Variants in OR5T1 observed in about 807,000 individuals in gnomAD.
OR5T1 encodes olfactory receptor family 5 subfamily T member 1.
A neutral mutation model predicts 10.1 loss-of-function variants in OR5T1; 14 were observed. The observed-to-expected ratio is 1.39, with a 90% CI of 0.92 to 2.18. OR5T1 has a LOEUF of 2.18. Ranked by LOEUF, OR5T1 falls within the 30% of genes most tolerant of loss-of-function variation. OR5T1 has a pLI of 0.00. For missense variants in OR5T1, 461 were observed against 383.9 expected, an observed-to-expected ratio of 1.20 and a Z score of -1.68; for synonymous variants, 166 against 141.2, an observed-to-expected ratio of 1.18 and a Z score of -1.24.
chr11:56,275,564 C>T lies in OR5T1; in HGVS notation c.-75C>T, dbSNP rs1339852297. ...GATTTCATCTTGCTTTTCCAAGAAACGAACATGAGGATATAATTGGATAAA... is the reference window on the plus strand; with the variant it reads ...GATTTCATCTTGCTTTTCCAAGAAATGAACATGAGGATATAATTGGATAAA... On this transcript the variant is annotated 5_prime_UTR_variant, in exon 3 of 3. In the 5' UTR this introduces an upstream ATG that the reference lacks. Transcript: ENST00000641665. The T allele has an allele frequency of 1.6e-5, 20 of 1,212,584 alleles. No homozygotes were observed. Among genetic ancestry groups the T allele is most frequent in the African/African-American group, 3.1e-5 (2 of 65,536 alleles). 75.1% of individuals were successfully genotyped at this position (1,212,584 alleles called of 1,614,324 possible).
Position 56,276,574 on chromosome 11 carries a change from A to G in OR5T1, c.936A>G (p.Ala312=), listed in dbSNP as rs148135770. 1,166 of 1,611,858 alleles carry G rather than the reference A, an allele frequency of 7.2e-4. 4 individuals carry two copies. The highest frequency in any genetic ancestry group is 4.2e-3 in the South Asian group (379 of 90,426). ...TGCGGAACAAAGATGTAAAGGAGGC[A>G]ATCAAAAGATTGCTTGTGAGAAATT... ...YSLRNKDVKE[A]IKRLLVRNWF... is the part of the protein sequence containing the mutation. Residue 312 remains alanine (A), a synonymous_variant, in exon 3 of 3, where the codon GCA becomes GCG. Coordinates refer to ENST00000641665, the MANE Select transcript of OR5T1 (RefSeq NM_001004745.2).
Position 56,276,029 on chromosome 11 carries a change from G to T in OR5T1, c.391G>T (p.Ala131Ser), listed in dbSNP as rs1239924224. The T allele has an allele frequency of 6.2e-7, 1 of 1,613,980 alleles. No homozygotes were observed. Among genetic ancestry groups the T allele is most frequent in the Non-Finnish European group, 8.5e-7 (1 of 1,180,012 alleles). ...AGAATGCTTTCTCTTGGCTGCAATG[G>T]CTTATGATCGCTATGTAGCCATCTA... ...TTECFLLAAM[A>S]YDRYVAIYNP... Residue 131 changes from alanine (A) to serine (S), a missense_variant, in exon 3 of 3, where the codon GCT becomes TCT. Ala to Ser is a moderately conservative substitution (Grantham distance 99). Coordinates refer to ENST00000641665, the MANE Select transcript of OR5T1 (RefSeq NM_001004745.2).
chr11:56,275,991 C>G lies in OR5T1; in HGVS notation c.353C>G (p.Thr118Ser). The change falls in exon 3 of 3, where the codon ACT (threonine) becomes AGT (serine). Residue 118 changes from threonine (T) to serine (S), a missense_variant. Transcript: ENST00000641665. ...GCATQMFLACTFGTTECFLLA... is the reference protein window; with the variant it reads ...GCATQMFLACSFGTTECFLLA... ...GCAACACAGATGTTTCTTGCTTGTACTTTTGGAACCACAGAATGCTTTCTC... is the reference window on the plus strand; with the variant it reads ...GCAACACAGATGTTTCTTGCTTGTAGTTTTGGAACCACAGAATGCTTTCTC... The G allele has an allele frequency of 4.3e-6, 7 of 1,614,190 alleles. No individual in the cohort carries two copies. Among genetic ancestry groups the G allele is most frequent in the Non-Finnish European group, 5.1e-6 (6 of 1,180,040 alleles).
rs774727798 is a variant in OR5T1, at chr11:56,276,327, A to G, written c.689A>G (p.Tyr230Cys). Residue 230 changes from tyrosine (Y) to cysteine (C), a missense_variant, in exon 3 of 3, where the codon TAT becomes TGT. Coordinates refer to ENST00000641665, the MANE Select transcript of OR5T1 (RefSeq NM_001004745.2). ...IVTILIVLIS[Y>C]GFILLAILKM... The stretch of plus-strand genomic sequence containing the variant: ...ACTATCCTGATTGTCCTGATCTCCT[A>G]TGGTTTTATTCTGTTGGCCATTCTG... 94 of 1,613,850 alleles carry G rather than the reference A, an allele frequency of 5.8e-5. No homozygotes were observed. Among genetic ancestry groups the G allele is most frequent in the Middle Eastern group, 1.6e-4 (1 of 6,082 alleles).
intron 2 of OR5T1, 41 bp from the exon 3 acceptor site, chr11:56,275,445 A>C (rs1338059235): frequency 6.7e-6 from 3 of 445,800 alleles, no homozygotes; most frequent in Non-Finnish European, 3.9e-6. Context: ...AATTTAGTGC[A>C]TGATTGAATA....
In OR5T1 at chr11:56,275,727, C is replaced by T. The variant is rs1178814688; in HGVS notation, c.89C>T (p.Thr30Ile). Reference protein sequence around the residue: ...EVTMFILISFTEEFDVQVFLF... With the variant: ...EVTMFILISFIEEFDVQVFLF... ...ACCATGTTTATATTAATAAGCTTCA[C>T]AGAAGAATTTGATGTGCAAGTCTTC... The change falls in exon 3 of 3, where the codon ACA becomes ATA. Residue 30 changes from threonine (T) to isoleucine (I), a missense_variant. Physicochemically the swap from Thr to Ile is moderately conservative, Grantham distance 89. Coordinates refer to ENST00000641665, the MANE Select transcript of OR5T1 (RefSeq NM_001004745.2). 1.9e-6 allele frequency: 3 copies of T among 1,609,648 alleles called. No individual in the cohort carries two copies. Among genetic ancestry groups the T allele is most frequent in the South Asian group, 1.1e-5 (1 of 90,906 alleles).
In OR5T1 at chr11:56,276,456, G is replaced by A; in HGVS notation, c.818G>A (p.Arg273Lys). The change falls in exon 3 of 3, where the codon AGA (arginine) becomes AAA (lysine). Residue 273 changes from arginine (R) to lysine (K), a missense_variant. By Grantham distance (26) the Arg-to-Lys change is conservative. Transcript: ENST00000641665. ...YHGTILFMYV[R>K]PSSSYTSDND... ...GGGACAATCCTCTTCATGTATGTGA[G>A]ACCAAGTTCCAGCTACACTTCGGAC... 6.2e-7 allele frequency: 1 copy of A among 1,614,080 alleles called. No individual in the cohort carries two copies. Among genetic ancestry groups the A allele is most frequent in the Non-Finnish European group, 8.5e-7 (1 of 1,179,978 alleles).
Position 56,275,856 on chromosome 11 carries a change from A to G in OR5T1, c.218A>G (p.Tyr73Cys), listed in dbSNP as rs1853931263. 2 of 1,613,844 alleles carry G rather than the reference A, an allele frequency of 1.2e-6. No homozygotes were observed. The highest frequency in any genetic ancestry group is 1.1e-5 in the South Asian group (1 of 91,072). Residue 73 changes from tyrosine to cysteine, a missense_variant, in exon 3 of 3, where the codon TAT becomes TGT. Coordinates refer to ENST00000641665, the MANE Select transcript of OR5T1 (RefSeq NM_001004745.2). Reference sequence around the variant, plus strand: ...TTCTGGCTTCACAGCCCAATGTACTATTTTCTTGGTGTTTTATCATTCTTG... The same window carrying G: ...TTCTGGCTTCACAGCCCAATGTACTGTTTTCTTGGTGTTTTATCATTCTTG... The part of the protein sequence containing the change: ...GDFWLHSPMY[Y>C]FLGVLSFLDV...
At chr11:56,274,258 A>G (rs1853908659) in intron 1 of OR5T1, 86 bp downstream of exon 1, 1 of 152,332 alleles carries the variant, frequency 6.6e-6, no homozygotes, top group South Asian at 2.1e-4. Context: ...CTTACTATTT[A>G]AATATAAGAA....
In OR5T1 at chr11:56,276,019, G is replaced by C; in HGVS notation, c.381G>C (p.Leu127Phe). ...TTGGAACCACAGAATGCTTTCTCTT[G>C]GCTGCAATGGCTTATGATCGCTATG... ...CTFGTTECFL[L>F]AAMAYDRYVA... Residue 127 changes from leucine (L) to phenylalanine (F), a missense_variant, in exon 3 of 3, where the codon TTG (leucine) becomes TTC (phenylalanine). By Grantham distance (22) the Leu-to-Phe change is conservative. Transcript: ENST00000641665. 1 of 1,614,108 alleles carries C rather than the reference G, an allele frequency of 6.2e-7. No homozygotes were observed. Among genetic ancestry groups the C allele is most frequent in the Non-Finnish European group, 8.5e-7 (1 of 1,180,026 alleles).
rs761154014 is a variant in OR5T1, at chr11:56,275,661, T to C, written c.23T>C (p.Met8Thr). The C allele has an allele frequency of 2.0e-5, 32 of 1,586,526 alleles. No homozygotes were observed. The highest frequency in any genetic ancestry group is 2.7e-5 in the Non-Finnish European group (32 of 1,169,526). Reference protein sequence around the residue: MSGLPSDMDLYKLQLNNF... With the variant: MSGLPSDTDLYKLQLNNF... Reference sequence around the variant, plus strand: ...AAAATGTCAGGGTTGCCTTCAGATATGGATCTATACAAGCTTCAATTAAAC... The same window carrying C: ...AAAATGTCAGGGTTGCCTTCAGATACGGATCTATACAAGCTTCAATTAAAC... The change falls in exon 3 of 3, where the codon ATG becomes ACG. Residue 8 changes from methionine (M) to threonine (T), a missense_variant. Coordinates refer to ENST00000641665, the MANE Select transcript of OR5T1 (RefSeq NM_001004745.2).
chr11:56,276,322 C>T lies in OR5T1; in HGVS notation c.684C>T (p.Ile228=), dbSNP rs1853945202. The change falls in exon 3 of 3, where the codon ATC becomes ATT. Residue 228 remains isoleucine, a synonymous_variant. Coordinates refer to ENST00000641665, the MANE Select transcript of OR5T1 (RefSeq NM_001004745.2). ...TAGTCACTATCCTGATTGTCCTGAT[C>T]TCCTATGGTTTTATTCTGTTGGCCA... is the stretch of plus-strand genomic sequence containing the variant. ...IEIVTILIVL[I]SYGFILLAIL... is the part of the protein sequence containing the mutation. The T allele has an allele frequency of 6.2e-7, 1 of 1,613,988 alleles. No homozygotes were observed. The highest frequency in any genetic ancestry group is 8.5e-7 in the Non-Finnish European group (1 of 1,180,022).
rs930962009 is a variant in OR5T1 at position 56,276,564 on chromosome 11, T to C, written c.926T>C (p.Val309Ala). The change falls in exon 3 of 3, where the codon GTA becomes GCA. Residue 309 changes from valine to alanine, a missense_variant. Coordinates refer to ENST00000641665, the MANE Select transcript of OR5T1 (RefSeq NM_001004745.2). ...PIIYSLRNKD[V>A]KEAIKRLLVR... Reference sequence around the variant, plus strand: ...ATCTACAGTTTGCGGAACAAAGATGTAAAGGAGGCAATCAAAAGATTGCTT... The same window carrying C: ...ATCTACAGTTTGCGGAACAAAGATGCAAAGGAGGCAATCAAAAGATTGCTT... 6.2e-7 allele frequency: 1 copy of C among 1,612,404 alleles called. No individual in the cohort carries two copies. The highest frequency in any genetic ancestry group is 8.5e-7 in the Non-Finnish European group (1 of 1,179,036).
In OR5T1 at chr11:56,274,641, A is replaced by G. The variant is rs546872231; in HGVS notation, c.-266A>G. 6.6e-6 allele frequency: 1 copy of G among 152,338 alleles called. No individual in the cohort carries two copies. The highest frequency in any genetic ancestry group is 1.5e-5 in the Non-Finnish European group (1 of 68,020). 9.4% of individuals were successfully genotyped at this position (152,338 alleles called of 1,614,324 possible). A position where few individuals can be genotyped will look rare whatever the true frequency, so the allele number is the denominator to read the frequency against. On this transcript the variant is annotated 5_prime_UTR_variant, in exon 2 of 3. Transcript: ENST00000641665. ...ATTGGTGATATTTTTTTCAGGAAAGAAAAGTGAAACACAAAAGGAAAAATA... is the reference window on the plus strand; with the variant it reads ...ATTGGTGATATTTTTTTCAGGAAAGGAAAGTGAAACACAAAAGGAAAAATA...
rs1853926071 is a variant in OR5T1, at chr11:56,275,570, T to A, written c.-69T>A. 8.0e-7 allele frequency: 1 copy of A among 1,244,504 alleles called. No homozygotes were observed. Among genetic ancestry groups the A allele is most frequent in the African/African-American group, 1.5e-5 (1 of 66,260 alleles). 77.1% of individuals were successfully genotyped at this position (1,244,504 alleles called of 1,614,324 possible). The stretch of plus-strand genomic sequence containing the variant: ...ATCTTGCTTTTCCAAGAAACGAACA[T>A]GAGGATATAATTGGATAAACTTAAT... On this transcript the variant is annotated 5_prime_UTR_variant, in exon 3 of 3. It removes an upstream start codon present in the reference 5' UTR. Transcript: ENST00000641665.
Position 56,276,674 on chromosome 11 carries a change from G to C in OR5T1, c.*55G>C. On this transcript the variant is annotated 3_prime_UTR_variant, in exon 3 of 3. Transcript: ENST00000641665. ...ATTGGGTGTCAGTCCACATCTCTATGGTCAGAAAGTAGAGAAGAAAATGTG... is the reference window on the plus strand; with the variant it reads ...ATTGGGTGTCAGTCCACATCTCTATCGTCAGAAAGTAGAGAAGAAAATGTG... 7.9e-7 allele frequency: 1 copy of C among 1,266,394 alleles called. No homozygotes were observed. The highest frequency in any genetic ancestry group is 1.4e-5 in the South Asian group (1 of 71,032). The allele number at this position is 1,266,394 out of a possible 1,614,324, so 78.4% of individuals were successfully genotyped here.
chr11:56,276,185 T>G lies in OR5T1; in HGVS notation c.547T>G (p.Ser183Ala), dbSNP rs762892620. The change falls in exon 3 of 3, where the codon TCC (serine) becomes GCC (alanine). Residue 183 changes from serine to alanine, a missense_variant. Ser to Ala is a moderately conservative substitution (Grantham distance 99). Transcript: ENST00000641665. Reference protein sequence around the residue: ...VATFSLSFCGSNEIRHVFCNM... With the variant: ...VATFSLSFCGANEIRHVFCNM... The stretch of plus-strand genomic sequence containing the variant: ...TACATTTAGCCTGTCCTTCTGTGGA[T>G]CCAATGAAATTAGGCATGTCTTTTG... 3 of 1,614,150 alleles carry G rather than the reference T, an allele frequency of 1.9e-6. No individual in the cohort carries two copies. The highest frequency in any genetic ancestry group is 2.2e-5 in the East Asian group (1 of 44,866).
rs758725644 is a variant in OR5T1, at chr11:56,276,258, T to A, written c.620T>A (p.Ile207Asn). 23 of 1,614,028 alleles carry A rather than the reference T, an allele frequency of 1.4e-5. No homozygotes were observed. The highest frequency in any genetic ancestry group is 5.3e-5 in the African/African-American group (4 of 74,936). The change falls in exon 3 of 3, where the codon ATC becomes AAC. Residue 207 changes from isoleucine to asparagine, a missense_variant. Ile to Asn is a moderately radical substitution (Grantham distance 149). Coordinates refer to ENST00000641665, the MANE Select transcript of OR5T1 (RefSeq NM_001004745.2). ...ATTTCTTGTTCTGACACTCACGTAA[T>A]CCAGCTTCTATTCTTCTACTTTGTG... The part of the protein sequence containing the change: ...LAISCSDTHV[I>N]QLLFFYFVGS...
intron 2 of OR5T1, among the ~76,000 whole-genome samples, chr11:56,275,151 C>G (rs1482358492): frequency 2.0e-5 from 3 of 152,166 alleles, no homozygotes; most frequent in African/African-American, 7.2e-5. Context: ...TTCTGGGGTA[C>G]ATGTGCAGAA....
Sources: allele counts gnomAD v4.1 joint callset (sites outside exome capture counted in the v4.1 genomes callset), GRCh38; gene constraint gnomAD v4.1.1; transcripts MANE v1.5; gene names NCBI Gene and HGNC (gene_info 2026-07-23, HGNC 2026-07-21).